Variants in CC2D2A observed in about 807,000 individuals in gnomAD.
CC2D2A encodes the protein coiled-coil and C2 domain-containing protein 2A.
In CC2D2A, 155 loss-of-function variants were observed where a neutral mutation model predicts 212.9. The ratio of observed to expected loss-of-function variants is 0.73; its 90% CI spans 0.64 to 0.83. The LOEUF (loss-of-function observed/expected upper bound fraction) is 0.83, where lower values mean the gene tolerates loss of function less well. Ranked by LOEUF, CC2D2A falls within the 40% of genes least tolerant of loss-of-function variation. The pLI is 0.00. For synonymous variants in CC2D2A, 667 were observed against 686.5 expected (o/e 0.97, Z 0.44); for missense variants, 1,856 against 1,956.2 (o/e 0.95, Z 0.97).
At chr4:15,489,901 T>G (rs1715204793) in intron 4 of CC2D2A, among the ~76,000 whole-genome samples, 1 of 152,208 alleles carries the variant, frequency 6.6e-6, no homozygotes, top group Non-Finnish European at 1.5e-5. Flanking sequence ...CTTTCTCCTT[T>G]GCTTGTTCTT....
intron 13 of CC2D2A, among the ~76,000 whole-genome samples, 148 bp from the exon 14 acceptor site, chr4:15,533,029 GACATCCTATTGTCTTT>G (rs149484727): frequency 0.01 from 1,533 of 152,286 alleles, 33 homozygotes; most frequent in African/African-American, 0.035. Flanking sequence ...AAGACAGGTT[GACATCCTATTGTCTTT>G]ACATTCACAT....
At chr4:15,565,231 T>C (rs183516520) in intron 24 of CC2D2A, among the ~76,000 whole-genome samples, 96 of 152,324 alleles carry the variant, frequency 6.3e-4, no homozygotes, top group African/African-American at 2.1e-3. Context: ...TTCACCTCCA[T>C]AGACTATTTT....
In CC2D2A at chr4:15,587,837, G is replaced by A; in HGVS notation, c.4087G>A (p.Gly1363Arg). The A allele has an allele frequency of 6.2e-7, 1 of 1,611,934 alleles. No individual in the cohort carries two copies. The highest frequency in any genetic ancestry group is 1.3e-5 in the African/African-American group (1 of 74,990). ...TSDQFLDLLA[G>R]DEEEHAVLLC... is the part of the protein sequence containing the mutation. The stretch of plus-strand genomic sequence containing the variant: ...TCAGCAATTTCTTGATCTCCTGGCA[G>A]GGGATGAAGAAGAACATGCAGTACT... The change falls in exon 32 of 37, where the codon GGG becomes AGG. Residue 1363 changes from glycine (G) to arginine (R), a missense_variant. This residue lies in a region of CC2D2A where 36 missense variants were observed against 35.5 expected (regional missense o/e 1.02). Transcript: ENST00000424120.
rs1861044 is a variant in CC2D2A, at chr4:15,537,875, A to G, written c.1765-24A>G. 0.55 allele frequency: 860,435 copies of G among 1,564,506 alleles called. 238,801 individuals are homozygous for G. Among genetic ancestry groups the G allele is most frequent in the Admixed American group, 0.6 (31,622 of 52,326 alleles). On this transcript the variant is annotated intron_variant, in intron 15 of 36. Transcript: ENST00000424120. ...TGAAATTCCAAAATTCCTGTTTGAT[A>G]TCATGTTGCCTCTAACTCAACAGAG...
At chr4:15,600,630 C>CT (rs1721546910) in intron 36 of CC2D2A, among the ~76,000 whole-genome samples, 1 of 152,126 alleles carries the variant, frequency 6.6e-6, no homozygotes, top group Non-Finnish European at 1.5e-5. Context: ...TTGTCGGGCG[C>CT]TATGGCTCAC....
intron 4 of CC2D2A, among the ~76,000 whole-genome samples, chr4:15,501,449 C>T: frequency 6.6e-6 from 1 of 151,918 alleles, no homozygotes; most frequent in Non-Finnish European, 1.5e-5. Flanking sequence ...CCTGCACATT[C>T]TTCACGACAT....
At chr4:15,567,101 G>A (rs1719915929) in intron 24 of CC2D2A, among the ~76,000 whole-genome samples, 1 of 151,942 alleles carries the variant, frequency 6.6e-6, no homozygotes, top group Non-Finnish European at 1.5e-5. Context: ...TTAGCAACAT[G>A]GCAAAACCAC....
At chr4:15,568,525 T>G (rs1389553617) in intron 26 of CC2D2A, among the ~76,000 whole-genome samples, 2 of 152,274 alleles carry the variant, frequency 1.3e-5, no homozygotes, top group East Asian at 3.9e-4. Flanking sequence ...GAGGTGGAAG[T>G]TGCAGTGAGT....
chr4:15,546,241 A>G (rs1346441763), intron 17 of CC2D2A, among the ~76,000 whole-genome samples: 2 of 152,178 alleles, frequency 1.3e-5, no homozygotes, highest in African/African-American at 4.8e-5. Context: ...ATAAATATGT[A>G]GGGTTTTAAA....
intron 5 of CC2D2A, 31 bp from the exon 6 acceptor site, chr4:15,502,791 T>A: frequency 6.5e-7 from 1 of 1,544,420 alleles, no homozygotes; most frequent in Non-Finnish European, 8.9e-7. Context: ...CCTGACATCA[T>A]GTAGCAGTAA....
At chr4:15,470,685 CTCTCTATATATATA>C (rs1280972210) in intron 1 of CC2D2A, among the ~76,000 whole-genome samples, 41 of 40,534 alleles carry the variant, frequency 1.0e-3, no homozygotes, top group South Asian at 2.0e-3. Flanking sequence ...CTCTCTCTCT[CTCTCTATATATATA>C]TATATATATA....
At position 15,596,223 on chromosome 4, in the gene CC2D2A, T is replaced by C. The variant is rs1219247976; in HGVS notation, c.4437+16T>C. On this transcript the variant is annotated intron_variant, in intron 34 of 36. Coordinates refer to ENST00000424120, the MANE Select transcript of CC2D2A (RefSeq NM_001378615.1). ...CAGTGTTCAGGTATAAATCTTTTATTAACAGTTAAATGTAGACAAAGTAAA... is the reference window on the plus strand; with the variant it reads ...CAGTGTTCAGGTATAAATCTTTTATCAACAGTTAAATGTAGACAAAGTAAA... The C allele has an allele frequency of 6.7e-7, 1 of 1,499,646 alleles. No homozygotes were observed. Among genetic ancestry groups the C allele is most frequent in the Non-Finnish European group, 8.9e-7 (1 of 1,125,292 alleles). 92.9% of individuals were successfully genotyped at this position (1,499,646 alleles called of 1,614,324 possible).
At chr4:15,540,397 C>G (rs1718365374) in intron 16 of CC2D2A, among the ~76,000 whole-genome samples, 1 of 151,928 alleles carries the variant, frequency 6.6e-6, no homozygotes, top group Non-Finnish European at 1.5e-5. Flanking sequence ...TTGAGAAAAA[C>G]TTGGTATCTT....
At chr4:15,480,941 C>G (rs953965043) in intron 4 of CC2D2A, 114 bp downstream of exon 4, 1 of 1,288,496 alleles carries the variant, frequency 7.8e-7, no homozygotes, top group African/African-American at 1.5e-5. Flanking sequence ...GCCACTGCTG[C>G]TCCACCCACT....
intron 4 of CC2D2A, among the ~76,000 whole-genome samples, chr4:15,488,271 C>A (rs766307032): frequency 6.6e-6 from 1 of 152,130 alleles, no homozygotes; most frequent in Non-Finnish European, 1.5e-5. Flanking sequence ...TTGGCTTTTG[C>A]TTGCCTTGAA....
chr4:15,600,885 C>G (rs928458471), intron 36 of CC2D2A, among the ~76,000 whole-genome samples: 4 of 113,396 alleles, frequency 3.5e-5, no homozygotes, highest in African/African-American at 1.4e-4. Context: ...CTAGCATGGA[C>G]AACAGTCAGA....
At chr4:15,596,063 A>T (rs1721306192) in intron 33 of CC2D2A, 22 bp from the exon 34 acceptor site, 8 of 1,525,568 alleles carry the variant, frequency 5.2e-6, no homozygotes, top group Non-Finnish European at 7.1e-6. Context: ...CATATATGCT[A>T]ATGTAGTCTT....
chr4:15,514,901 T>C (rs1010262037), intron 9 of CC2D2A, 32 bp downstream of exon 9: 5 of 1,601,834 alleles, frequency 3.1e-6, no homozygotes, highest in Non-Finnish European at 3.4e-6. Context: ...TTGTTCAGCT[T>C]AGACATCGTC....
intron 9 of CC2D2A, among the ~76,000 whole-genome samples, chr4:15,515,385 G>A (rs761990504): frequency 2.0e-5 from 3 of 152,232 alleles, no homozygotes; most frequent in Admixed American, 6.5e-5. Context: ...GAATAAAGCC[G>A]TGAATGAATA....
Sources: gnomAD v4.1 joint callset for allele counts (sites outside exome capture counted in the v4.1 genomes callset) on GRCh38, gnomAD v4.1.1 for gene constraint, gnomAD v4.1.1 regional missense constraint, MANE v1.5 for transcripts, NCBI Gene and HGNC (gene_info 2026-07-23, HGNC 2026-07-21) for gene names.